SLC26A7: variants seen among roughly 807,000 people sequenced by gnomAD.
The protein encoded by SLC26A7 is solute carrier family 26 member 7.
Under a neutral mutation model 82.5 loss-of-function variants are expected in SLC26A7, and 59 were observed. The observed-to-expected ratio is 0.72, with a 90% CI of 0.58 to 0.89. SLC26A7 has a LOEUF of 0.89. SLC26A7 is among the 40% of genes least tolerant of loss of function. The pLI is 0.00. For missense variants in SLC26A7, 820 were observed against 793.0 expected (o/e 1.03, Z -0.41); for synonymous variants, 271 against 274.3 (o/e 0.99, Z 0.12).
At chr8:91,318,444 GATTA>G (rs1812703920) in intron 5 of SLC26A7, 64 bp downstream of exon 5, 3 of 1,401,164 alleles carry the variant, frequency 2.1e-6, no homozygotes, top group Admixed American at 2.3e-5. Context: ...AGTAGAATTT[GATTA>G]ATTATAGTAC....
At chr8:91,343,644 T>C (rs1403838445) in intron 9 of SLC26A7, among the ~76,000 whole-genome samples, 178 bp downstream of exon 9, 3 of 152,180 alleles carry the variant, frequency 2.0e-5, no homozygotes, top group Non-Finnish European at 4.4e-5. Flanking sequence ...AAATGACACT[T>C]ACGAAAGCTA....
chr8:91,317,469 T>G (rs1812669892), intron 4 of SLC26A7, among the ~76,000 whole-genome samples: 1 of 152,196 alleles, frequency 6.6e-6, no homozygotes, highest in Non-Finnish European at 1.5e-5. Flanking sequence ...ATGCCTAGTG[T>G]TCCACTATTG....
At chr8:91,223,642 G>A (rs1810192248) in intron 2 of SLC26A7, among the ~76,000 whole-genome samples, 1 of 152,116 alleles carries the variant, frequency 6.6e-6, no homozygotes, top group Non-Finnish European at 1.5e-5. Flanking sequence ...AGAATCTGAT[G>A]ATTATGTGTC....
intron 4 of SLC26A7, among the ~76,000 whole-genome samples, chr8:91,314,068 C>G (rs1461255695): frequency 6.6e-6 from 1 of 152,054 alleles, no homozygotes; most frequent in Non-Finnish European, 1.5e-5. Context: ...AGTATTAGCC[C>G]AGAACATCAG....
intron 2 of SLC26A7, among the ~76,000 whole-genome samples, chr8:91,223,207 A>G (rs1018985441): frequency 1.6e-4 from 24 of 151,582 alleles, no homozygotes; most frequent in African/African-American, 5.8e-4. Flanking sequence ...TATTGTGTCT[A>G]TTTGATTCTT....
In SLC26A7 at chr8:91,334,446, T is replaced by G. The variant is rs758325963; in HGVS notation, c.794T>G (p.Leu265Trp). 2 of 1,610,028 alleles carry G rather than the reference T, an allele frequency of 1.2e-6. No individual in the cohort carries two copies. The highest frequency in any genetic ancestry group is 2.7e-5 in the African/African-American group (2 of 74,760). Reference protein sequence around the residue: ...IKVVLPVDLVLIIAASFACYC... With the variant: ...IKVVLPVDLVWIIAASFACYC... ...GTTGTTCTTCCTGTAGATTTAGTTT[T>G]GGTAAGTATAAAATCAACATTTAGC... Residue 265 changes from leucine to tryptophan, a missense_variant and splice_region_variant, in exon 6 of 19, where the codon TTG (leucine) becomes TGG (tryptophan). Physicochemically the swap from Leu to Trp is moderately conservative, Grantham distance 61. Transcript: ENST00000276609.
At chr8:91,347,294 G>A (rs1010601655) in intron 9 of SLC26A7, among the ~76,000 whole-genome samples, 1 of 152,162 alleles carries the variant, frequency 6.6e-6, no homozygotes, top group Non-Finnish European at 1.5e-5. Context: ...TTAGGATCAT[G>A]CACTTCAGAG....
chr8:91,295,673 A>G lies in SLC26A7; in HGVS notation c.447A>G (p.Ala149=), dbSNP rs1162715010. 1 of 1,613,954 alleles carries G rather than the reference A, an allele frequency of 6.2e-7. No homozygotes were observed. Among genetic ancestry groups the G allele is most frequent in the Admixed American group, 1.7e-5 (1 of 60,004 alleles). ...DFEMQRIHVA[A]AVSFLGGVIQ... is the part of the protein sequence containing the mutation. ...AAATGCAAAGGATCCACGTTGCTGC[A>G]GCAGTTTCCTTCTTGGGAGGTGTGA... Residue 149 remains alanine (A), a synonymous_variant, in exon 4 of 19, where the codon GCA becomes GCG. Transcript: ENST00000276609.
chr8:91,363,410 T>C, intron 12 of SLC26A7, 62 bp from the exon 13 acceptor site: 2 of 1,068,656 alleles, frequency 1.9e-6, no homozygotes, highest in Non-Finnish European at 2.8e-6. Context: ...TTTTGGTTTC[T>C]TCATTGTTTA....
rs938809381 is a variant in SLC26A7, at chr8:91,317,992, T to C, written c.478-224T>C. On this transcript the variant is annotated intron_variant, in intron 4 of 18. Coordinates refer to ENST00000276609, the MANE Select transcript of SLC26A7 (RefSeq NM_052832.4). ...ATAAAAATAAACAAAAAAAATAAAA[T>C]AAAATTAAATTAAAAAAAAAAGAAA... Among the ~76,000 whole-genome samples the C allele has an allele frequency of 1.4e-3, 198 of 143,964 alleles. 2 individuals carry two copies. Among genetic ancestry groups the C allele is most frequent in the African/African-American group, 5.0e-3 (195 of 39,074 alleles). 94.4% of individuals were successfully genotyped at this position (143,964 alleles called of 152,430 possible). A position where few individuals can be genotyped will look rare whatever the true frequency, so the allele number is the denominator to read the frequency against.
intron 15 of SLC26A7, among the ~76,000 whole-genome samples, chr8:91,375,920 CTTTG>C (rs1814504121): frequency 6.6e-6 from 1 of 151,746 alleles, no homozygotes; most frequent in South Asian, 2.1e-4. Context: ...TTCTTAAAGG[CTTTG>C]TTTGATTTTT....
intron 2 of SLC26A7, among the ~76,000 whole-genome samples, chr8:91,243,955 A>C (rs372043272): frequency 6.6e-6 from 1 of 152,362 alleles, no homozygotes; most frequent in South Asian, 2.1e-4. Context: ...CATATTATGA[A>C]TAACTGAAGG....
intron 2 of SLC26A7, among the ~76,000 whole-genome samples, chr8:91,239,829 A>T (rs1217825812): frequency 6.6e-6 from 1 of 152,234 alleles, no homozygotes; most frequent in Non-Finnish European, 1.5e-5. Context: ...TGTCCATCAC[A>T]GGAGAAAAGG....
intron 15 of SLC26A7, among the ~76,000 whole-genome samples, chr8:91,378,389 T>C (rs1205870503): frequency 6.8e-6 from 1 of 146,676 alleles, no homozygotes; most frequent in African/African-American, 2.5e-5. Context: ...AAATAATATA[T>C]ATTATATATA....
At chr8:91,246,804 C>T (rs1387372177), upstream of SLC26A7, among the ~76,000 whole-genome samples, 1 of 151,990 alleles carries the variant, frequency 6.6e-6, no homozygotes, top group Non-Finnish European at 1.5e-5. Context: ...TTTTGTTTTT[C>T]CCCGCAAAGG....
At chr8:91,329,334 C>T (rs1813015712) in intron 5 of SLC26A7, among the ~76,000 whole-genome samples, 1 of 152,178 alleles carries the variant, frequency 6.6e-6, no homozygotes, top group African/African-American at 2.4e-5. Flanking sequence ...CTGTGATTCT[C>T]TCTGTGGGTC....
At chr8:91,224,052 C>A (rs1810200469) in intron 2 of SLC26A7, among the ~76,000 whole-genome samples, 1 of 151,846 alleles carries the variant, frequency 6.6e-6, no homozygotes, top group Non-Finnish European at 1.5e-5. Flanking sequence ...CCTCTGTAAA[C>A]TGGTTATTCT....
At chr8:91,224,923 AGGAT>A (rs1810212650) in intron 2 of SLC26A7, among the ~76,000 whole-genome samples, 1 of 152,234 alleles carries the variant, frequency 6.6e-6, no homozygotes, top group Non-Finnish European at 1.5e-5. Context: ...TACCCACTGA[AGGAT>A]GGGTCAGGGT....
At position 91,222,069 on chromosome 8, in the gene SLC26A7, C is replaced by T. The variant is rs184777094; in HGVS notation, c.-34+3064C>T. Reference sequence around the variant, plus strand: ...TCCTTGAACAATGGTTTGTAGTTCTCCTTGAAGAGGGCTTTCATGTCCCTT... The same window carrying T: ...TCCTTGAACAATGGTTTGTAGTTCTTCTTGAAGAGGGCTTTCATGTCCCTT... On this transcript the variant is annotated intron_variant, in intron 2 of 5. Transcript: ENST00000522862. Among the ~76,000 whole-genome samples, 709 of 152,174 alleles carry T rather than the reference C, an allele frequency of 4.7e-3. 5 individuals are homozygous for T. Among genetic ancestry groups the T allele is most frequent in the African/African-American group, 0.016 (679 of 41,526 alleles).
Sources: allele counts gnomAD v4.1 joint callset (sites outside exome capture counted in the v4.1 genomes callset), GRCh38; gene constraint gnomAD v4.1.1; transcripts MANE v1.5; gene names NCBI Gene and HGNC (gene_info 2026-07-23, HGNC 2026-07-21).